The following C9orf85 variants were observed in gnomAD, a reference collection of about 807,000 sequenced individuals.
C9orf85 encodes chromosome 9 open reading frame 85, also known as uncharacterized protein C9orf85.
C9orf85 carries 16 observed loss-of-function variants against 14.9 expected under a neutral mutation model. The ratio of observed to expected loss-of-function variants is 1.08; its 90% confidence interval spans 0.73 to 1.63. The LOEUF is 1.63. Among genes scored for constraint, C9orf85 ranks in the 40% most tolerant of loss-of-function variants. C9orf85 has a pLI of 0.00. For missense variants in C9orf85, 172 were observed against 186.1 expected (o/e 0.92, Z 0.44); for synonymous variants, 45 against 56.8 (o/e 0.79, Z 0.93).
intron 3 of C9orf85, among the ~76,000 whole-genome samples, chr9:71,982,417 A>C (rs1199472816): frequency 3.3e-5 from 5 of 152,138 alleles, no homozygotes; most frequent in Non-Finnish European, 5.9e-5. Context: ...GAGGGAGATT[A>C]GATTGCTGGA....
chr9:71,938,144 C>G (rs1250385042), intron 1 of C9orf85, among the ~76,000 whole-genome samples: 1 of 152,152 alleles, frequency 6.6e-6, no homozygotes, highest in African/African-American at 2.4e-5. Context: ...CAAATTATTA[C>G]TTCATATCAC....
intron 2 of C9orf85, among the ~76,000 whole-genome samples, chr9:71,959,816 A>G (rs1822469809): frequency 6.6e-6 from 1 of 152,218 alleles, no homozygotes; most frequent in Non-Finnish European, 1.5e-5. Context: ...GGAACAGTCC[A>G]TGGTTATATT....
chr9:71,937,280 C>T (rs1828214155), intron 1 of C9orf85, among the ~76,000 whole-genome samples: 1 of 152,202 alleles, frequency 6.6e-6, no homozygotes, highest in Middle Eastern at 3.4e-3. Context: ...GGTGTGGCTC[C>T]ACTTTGTGTA....
chr9:71,934,871 G>C (rs762402628), intron 1 of C9orf85, among the ~76,000 whole-genome samples: 4 of 151,898 alleles, frequency 2.6e-5, no homozygotes, highest in African/African-American at 4.8e-5. Context: ...CCCTGTCTCA[G>C]AAAAAAATAT....
chr9:71,981,892 T>G (rs1823103294), intron 3 of C9orf85, among the ~76,000 whole-genome samples: 1 of 152,206 alleles, frequency 6.6e-6, no homozygotes, highest in South Asian at 2.1e-4. Context: ...ATTTTTAAAA[T>G]GCTTTATCGA....
intron 1 of C9orf85, among the ~76,000 whole-genome samples, chr9:71,919,956 TCTC>T (rs1322603339): frequency 3.3e-5 from 5 of 152,006 alleles, no homozygotes; most frequent in African/African-American, 1.2e-4. Context: ...TTCAAGCACT[TCTC>T]CTGCCTCAGC....
downstream of C9orf85, among the ~76,000 whole-genome samples, chr9:71,975,152 A>G (rs757161166): frequency 1.3e-5 from 2 of 152,238 alleles, no homozygotes; most frequent in East Asian, 1.9e-4. Flanking sequence ...TTATCAAGAC[A>G]TTAAAGAAAG....
downstream of C9orf85, among the ~76,000 whole-genome samples, chr9:71,977,091 C>T (rs542359530): frequency 2.0e-5 from 3 of 152,166 alleles, no homozygotes; most frequent in Non-Finnish European, 4.4e-5. Flanking sequence ...CATTGTGAAG[C>T]TGCTGAACTA....
At chr9:71,947,596 TAC>T (rs1353734014) in intron 2 of C9orf85, among the ~76,000 whole-genome samples, 1 of 152,128 alleles carries the variant, frequency 6.6e-6, no homozygotes, top group East Asian at 1.9e-4. Flanking sequence ...AATGAAAAGA[TAC>T]TAGATTTTGT....
intron 2 of C9orf85, among the ~76,000 whole-genome samples, chr9:71,955,430 G>T (rs1822359204): frequency 6.6e-6 from 1 of 151,898 alleles, no homozygotes. Context: ...TTCAATAACG[G>T]TTTTGGACAG....
Position 71,972,799 on chromosome 9 carries a change from A to C in C9orf85, c.431A>C (p.Asp144Ala). Residue 144 changes from aspartate to alanine, a missense_variant, in exon 4 of 4, where the codon GAT (aspartate) becomes GCT (alanine). By Grantham distance (126) the Asp-to-Ala change is moderately radical. Transcript: ENST00000334731. ...GAAAGTGATGATGATTTAGATTTTG[A>C]TATTGATTTAGAAGACACAGGAGGA... Reference protein sequence around the residue: ...NEESDDDLDFDIDLEDTGGDH... With the variant: ...NEESDDDLDFAIDLEDTGGDH... The C allele has an allele frequency of 6.2e-7, 1 of 1,610,974 alleles. No individual in the cohort carries two copies. Among genetic ancestry groups the C allele is most frequent in the South Asian group, 1.1e-5 (1 of 90,872 alleles).
chr9:71,962,926 C>T (rs1180624501), intron 2 of C9orf85, among the ~76,000 whole-genome samples: 1 of 151,986 alleles, frequency 6.6e-6, no homozygotes. Context: ...TGTAGTGGTG[C>T]GTGGCTATAA....
intron 1 of C9orf85, among the ~76,000 whole-genome samples, chr9:71,915,671 T>C (rs955047062): frequency 1.3e-5 from 2 of 152,218 alleles, no homozygotes; most frequent in African/African-American, 4.8e-5. Flanking sequence ...TTCCCAGTTT[T>C]AGTCCTGTTC....
chr9:71,927,203 A>G (rs1185248277), intron 1 of C9orf85, among the ~76,000 whole-genome samples: 1 of 151,126 alleles, frequency 6.6e-6, no homozygotes, highest in Non-Finnish European at 1.5e-5. Flanking sequence ...AGAATTTCTT[A>G]TAGAGCTAAG....
Position 71,936,873 on chromosome 9 carries a change from C to G in C9orf85, c.103-10133C>G, listed in dbSNP as rs186368157. Among the ~76,000 whole-genome samples the G allele has an allele frequency of 2.5e-3, 374 of 151,068 alleles. 3 individuals carry two copies. The highest frequency in any genetic ancestry group is 1.2e-3 in the Non-Finnish European group (84 of 67,910). On this transcript the variant is annotated intron_variant, in intron 1 of 3. Coordinates refer to ENST00000334731, the MANE Select transcript of C9orf85 (RefSeq NM_182505.5). Reference sequence around the variant, plus strand: ...TCCCTGGCTCAAGCGATCCTCCCACCTCAGCTTCTGGAGTAGCTGGGACCA... The same window carrying G: ...TCCCTGGCTCAAGCGATCCTCCCACGTCAGCTTCTGGAGTAGCTGGGACCA...
At chr9:71,944,201 AC>A (rs1393412409) in intron 1 of C9orf85, among the ~76,000 whole-genome samples, 11 of 150,506 alleles carry the variant, frequency 7.3e-5, no homozygotes, top group Non-Finnish European at 1.5e-4. Flanking sequence ...CCCACTGCAC[AC>A]CAGTCTGGGC....
At chr9:71,966,936 T>C (rs1383420045) in intron 2 of C9orf85, among the ~76,000 whole-genome samples, 17 of 152,354 alleles carry the variant, frequency 1.1e-4, no homozygotes, top group African/African-American at 3.8e-4. Context: ...CTTCACTTTA[T>C]TTCCTCTGCA....
intron 2 of C9orf85, among the ~76,000 whole-genome samples, chr9:71,965,532 C>T (rs1427462758): frequency 6.6e-6 from 1 of 152,104 alleles, no homozygotes; most frequent in Non-Finnish European, 1.5e-5. Flanking sequence ...AGTGATCATC[C>T]CACCTCAGCC....
In C9orf85 at chr9:71,973,435, CAAAT is replaced by C. The variant is rs1564102695; in HGVS notation, c.*598_*601del. On this transcript the variant is annotated 3_prime_UTR_variant, in exon 4 of 4. Transcript: ENST00000334731. ...GTAAGTGCCTTTTGATAAATGATCT[CAAAT>C]AAATGACTCATAGCAAAAGCCCTGT... is the stretch of plus-strand genomic sequence containing the variant. The C allele has an allele frequency of 1.3e-5, 2 of 152,090 alleles. No individual in the cohort carries two copies. Among genetic ancestry groups the C allele is most frequent in the African/African-American group, 4.8e-5 (2 of 41,414 alleles). The allele number at this position is 152,090 out of a possible 1,614,324, so 9.4% of individuals were successfully genotyped here.
Sources: gnomAD v4.1 joint callset for allele counts (sites outside exome capture counted in the v4.1 genomes callset) on GRCh38, gnomAD v4.1.1 for gene constraint, MANE v1.5 for transcripts, NCBI Gene and HGNC (gene_info 2026-07-23, HGNC 2026-07-21) for gene names.